The following CACNA2D4 variants were observed in gnomAD, a reference collection of about 807,000 sequenced individuals.
CACNA2D4 encodes voltage-dependent calcium channel subunit alpha-2/delta-4.
A neutral mutation model predicts 163.8 loss-of-function variants in CACNA2D4; 157 were observed. That is an observed-to-expected ratio of 0.96 (90% confidence interval 0.84 to 1.09). The LOEUF (loss-of-function observed/expected upper bound fraction) is 1.09. CACNA2D4 is among the 50% of genes least tolerant of loss of function. The pLI is 0.00. For synonymous variants in CACNA2D4, 598 were observed against 586.9 expected (o/e 1.02, Z -0.27); for missense variants, 1,410 against 1,479.9 (o/e 0.95, Z 0.78).
At chr12:1,893,155 A>G (rs114991359) in intron 6 of CACNA2D4, among the ~76,000 whole-genome samples, 3,329 of 152,308 alleles carry the variant, frequency 0.022, 122 homozygotes, top group African/African-American at 0.075. Flanking sequence ...AGGCATGTAC[A>G]GAACGTTTTA....
intron 29 of CACNA2D4, among the ~76,000 whole-genome samples, chr12:1,807,335 AGCCCT>A (rs1288740375): frequency 2.0e-5 from 3 of 151,586 alleles, no homozygotes; most frequent in South Asian, 2.1e-4. Flanking sequence ...ACATGACAGC[AGCCCT>A]GGGGACCTTG....
At chr12:1,817,718 G>A (rs528693135) in intron 26 of CACNA2D4, among the ~76,000 whole-genome samples, 67 of 152,230 alleles carry the variant, frequency 4.4e-4, no homozygotes, top group Non-Finnish European at 8.2e-4. Context: ...GCTCCTAACC[G>A]CGAGTGATCC....
In CACNA2D4 at chr12:1,907,532, A is replaced by C. The variant is rs773556893; in HGVS notation, c.689T>G (p.Leu230Trp). The C allele has an allele frequency of 4.3e-6, 7 of 1,613,334 alleles. No homozygotes were observed. Among genetic ancestry groups the C allele is most frequent in the Admixed American group, 3.3e-5 (2 of 60,006 alleles). The change falls in exon 6 of 38, where the codon TTG becomes TGG. Residue 230 changes from leucine (L) to tryptophan (W), a missense_variant. Physicochemically the swap from Leu to Trp is moderately conservative, Grantham distance 61. Coordinates refer to ENST00000382722, the MANE Select transcript of CACNA2D4 (RefSeq NM_172364.5). ...GAAGTTCTCCACGAAGACAGCATTC[A>C]AGGCTTCAGACATGTAGACTCCATT... is the stretch of plus-strand genomic sequence containing the variant. Reference protein sequence around the residue: ...ILNGVYMSEALNAVFVENFQR... With the variant: ...ILNGVYMSEAWNAVFVENFQR...
rs1001568085 is a variant in CACNA2D4, at chr12:1,869,745, A to C, written c.1878+4859T>G. Among the ~76,000 whole-genome samples the C allele has an allele frequency of 1.3e-5, 2 of 152,106 alleles. No individual in the cohort carries two copies. Among genetic ancestry groups the C allele is most frequent in the African/African-American group, 4.8e-5 (2 of 41,406 alleles). On this transcript the variant is annotated intron_variant, in intron 18 of 37. Transcript: ENST00000382722. This position sits in a 1 kb window ranked among gnomAD's most constrained non-coding sequence, Gnocchi z 4.7. Reference sequence around the variant, plus strand: ...CTACGATAAAATCCTACATTCTATCACTCCCAGGGGCTCTGTTCTTTGACC... The same window carrying C: ...CTACGATAAAATCCTACATTCTATCCCTCCCAGGGGCTCTGTTCTTTGACC...
chr12:1,896,845 A>C (rs1866419960), intron 6 of CACNA2D4, among the ~76,000 whole-genome samples: 2 of 152,226 alleles, frequency 1.3e-5, no homozygotes, highest in African/African-American at 4.8e-5. Flanking sequence ...GTATACCTGC[A>C]CTGGCATCTT....
At chr12:1,893,150 T>C (rs975990881) in intron 6 of CACNA2D4, among the ~76,000 whole-genome samples, 53 of 152,212 alleles carry the variant, frequency 3.5e-4, no homozygotes, top group African/African-American at 1.3e-3. Context: ...GACCTAGGCA[T>C]GTACAGAACG....
At chr12:1,817,867 C>T (rs1863930777) in intron 26 of CACNA2D4, among the ~76,000 whole-genome samples, 1 of 152,044 alleles carries the variant, frequency 6.6e-6, no homozygotes, top group Non-Finnish European at 1.5e-5. Flanking sequence ...GCCTTGGCCT[C>T]CCAAAGTGCC....
chr12:1,796,035 G>T, intron 35 of CACNA2D4: 4 of 534,082 alleles, frequency 7.5e-6, no homozygotes, highest in Non-Finnish European at 1.4e-5. Flanking sequence ...AAACTGGGCC[G>T]CTTTGGAGAG....
chr12:1,858,497 TGGG>T, intron 20 of CACNA2D4, 77 bp downstream of exon 20: 1 of 1,260,290 alleles, frequency 7.9e-7, no homozygotes. Context: ...TGGCTCTGGT[TGGG>T]GTTGGCCCTG....
chr12:1,918,187 C>T (rs910730295), intron 1 of CACNA2D4, 60 bp downstream of exon 1: 65 of 1,317,196 alleles, frequency 4.9e-5, no homozygotes, highest in Middle Eastern at 1.8e-4. Context: ...AGGCCCAGCC[C>T]GGGAAGAAAG....
chr12:1,807,589 C>T (rs1464432624), intron 29 of CACNA2D4, among the ~76,000 whole-genome samples: 1 of 152,110 alleles, frequency 6.6e-6, no homozygotes, highest in Non-Finnish European at 1.5e-5. Flanking sequence ...CTCTCCGCCG[C>T]CCTGTCTTCC....
Position 1,878,617 on chromosome 12 carries a change from C to CTT in CACNA2D4, c.1645-230_1645-229dup, listed in dbSNP as rs34071435. ...CGTCATCATACATATTATTACCTGA[C>CTT]TTCTTTACCACCACATGTTCTGGGT... is the stretch of plus-strand genomic sequence containing the variant. On this transcript the variant is annotated intron_variant, in intron 15 of 37. Coordinates refer to ENST00000382722, the MANE Select transcript of CACNA2D4 (RefSeq NM_172364.5). The surrounding 1 kb of genome is among the most constrained non-coding windows in gnomAD (Gnocchi z 4.6). Among the ~76,000 whole-genome samples the CTT allele has an allele frequency of 0.066, 10,066 of 152,266 alleles. 809 individuals carry two copies. The highest frequency in any genetic ancestry group is 0.42 in the East Asian group (2,178 of 5,164).
chr12:1,794,697 G>C (rs928535074), intron 37 of CACNA2D4, among the ~76,000 whole-genome samples: 1 of 152,136 alleles, frequency 6.6e-6, no homozygotes, highest in African/African-American at 2.4e-5. Flanking sequence ...GCCAAGGCAC[G>C]GGGTACGCAG....
At chr12:1,811,789 G>T in intron 26 of CACNA2D4, 66 bp from the exon 27 acceptor site, 1 of 1,472,496 alleles carries the variant, frequency 6.8e-7, no homozygotes, top group Non-Finnish European at 9.3e-7. Flanking sequence ...ATAGAGTCAA[G>T]TTAAAGAGAG....
Position 1,886,371 on chromosome 12 carries a change from T to C in CACNA2D4, c.845A>G (p.Tyr282Cys), listed in dbSNP as rs769131869. Residue 282 changes from tyrosine to cysteine, a missense_variant and splice_region_variant, in exon 8 of 38, where the codon TAC becomes TGC. Transcript: ENST00000382722. ...ITFDCRNRGW[Y>C]IQAATSPKDI... The stretch of plus-strand genomic sequence containing the variant: ...CTTGGGAGAAGTAGCAGCTTGAATG[T>C]ACCTGAAGGAAGAAAGGGACATGCC... 6.2e-7 allele frequency: 1 copy of C among 1,613,404 alleles called. No individual in the cohort carries two copies. The highest frequency in any genetic ancestry group is 8.5e-7 in the Non-Finnish European group (1 of 1,179,552).
intron 16 of CACNA2D4, among the ~76,000 whole-genome samples, chr12:1,877,362 C>A (rs1040550817): frequency 6.6e-6 from 1 of 152,186 alleles, no homozygotes; most frequent in African/African-American, 2.4e-5. Flanking sequence ...CCCGCAGAAC[C>A]CCTTGGTACA....
intron 16 of CACNA2D4, among the ~76,000 whole-genome samples, chr12:1,876,167 GGA>G (rs1270449442): frequency 2.0e-5 from 3 of 152,198 alleles, no homozygotes; most frequent in African/African-American, 7.2e-5. Context: ...CTTTGTTTTA[GGA>G]GACTGCTTTC....
chr12:1,878,411 G>A lies in CACNA2D4; in HGVS notation c.1645-22C>T, dbSNP rs1354958646. On this transcript the variant is annotated intron_variant, in intron 15 of 37. Transcript: ENST00000382722. This position sits in a 1 kb window ranked among gnomAD's most constrained non-coding sequence, Gnocchi z 4.6. Reference sequence around the variant, plus strand: ...CAAGCTGCCAGAGTCCAGGGTGGAGGCGCATTAGGCCTGCTGTTTGTGCTG... The same window carrying A: ...CAAGCTGCCAGAGTCCAGGGTGGAGACGCATTAGGCCTGCTGTTTGTGCTG... 1 of 1,582,608 alleles carries A rather than the reference G, an allele frequency of 6.3e-7. No individual in the cohort carries two copies. Among genetic ancestry groups the A allele is most frequent in the Non-Finnish European group, 8.6e-7 (1 of 1,164,306 alleles).
Position 1,886,012 on chromosome 12 carries a change from G to C in CACNA2D4, c.1021C>G (p.Pro341Ala). Reference sequence around the variant, plus strand: ...TGGACGAGGATCCCTTTAAAACAAGGCTCGATGTAATGGACGTAGTCATTG... The same window carrying C: ...TGGACGAGGATCCCTTTAAAACAAGCCTCGATGTAATGGACGTAGTCATTG... Reference protein sequence around the residue: ...AYNDYVHYIEPCFKGILVQAD... With the variant: ...AYNDYVHYIEACFKGILVQAD... The change falls in exon 9 of 38, where the codon CCT (proline) becomes GCT (alanine). Residue 341 changes from proline (P) to alanine (A), a missense_variant. Pro to Ala is a conservative substitution (Grantham distance 27). Transcript: ENST00000382722. 1 of 1,613,732 alleles carries C rather than the reference G, an allele frequency of 6.2e-7. No homozygotes were observed. The highest frequency in any genetic ancestry group is 8.5e-7 in the Non-Finnish European group (1 of 1,179,702).
Sources: gnomAD v4.1 joint callset for allele counts (sites outside exome capture counted in the v4.1 genomes callset) on GRCh38, gnomAD v4.1.1 for gene constraint, Gnocchi (gnomAD v3.1) non-coding constraint, MANE v1.5 for transcripts, NCBI Gene and HGNC (gene_info 2026-07-23, HGNC 2026-07-21) for gene names.